PTPRD: variants seen among roughly 807,000 people sequenced by gnomAD.
PTPRD encodes the protein protein tyrosine phosphatase receptor type D.
PTPRD carries 34 observed loss-of-function variants against 214.5 expected under a neutral mutation model. The observed-to-expected ratio is 0.16, with a 90% confidence interval of 0.12 to 0.21. PTPRD has a LOEUF of 0.21. Among genes scored for constraint, PTPRD ranks in the 10% least tolerant of loss-of-function variants. The pLI, the probability that PTPRD is intolerant of heterozygous loss-of-function variation, is 1.00. For synonymous variants in PTPRD, 1,128 were observed against 845.7 expected, an observed-to-expected ratio of 1.33 and a Z score of -5.79; for missense variants, 2,545 against 2,398.7, an observed-to-expected ratio of 1.06 and a Z score of -1.27.
intron 34 of PTPRD, among the ~76,000 whole-genome samples, chr9:8,439,934 AAT>A (rs1491517529): frequency 5.6e-4 from 37 of 66,012 alleles, no homozygotes; most frequent in Non-Finnish European, 8.7e-4. Context: ...GATGTGCTTT[AAT>A]TTTTTTTTTT....
At chr9:10,239,475 C>T (rs141887356) in intron 3 of PTPRD, among the ~76,000 whole-genome samples, 120 of 152,016 alleles carry the variant, frequency 7.9e-4, no homozygotes, top group Admixed American at 1.3e-3. Context: ...TTTATTTCTG[C>T]TTTTCATTTT....
At chr9:10,577,311 A>C (rs1023162521) in intron 2 of PTPRD, among the ~76,000 whole-genome samples, 15 of 152,160 alleles carry the variant, frequency 9.9e-5, no homozygotes, top group Middle Eastern at 3.2e-3. Flanking sequence ...ATAATTACCA[A>C]CTAATTATGA....
At chr9:10,026,242 G>A (rs1188552944) in intron 4 of PTPRD, among the ~76,000 whole-genome samples, 2 of 152,162 alleles carry the variant, frequency 1.3e-5, no homozygotes, top group South Asian at 2.1e-4. Context: ...CTAGCTGGAG[G>A]AGGAGAAATA....
At chr9:8,942,633 T>A (rs2099040689) in intron 11 of PTPRD, among the ~76,000 whole-genome samples, 1 of 151,788 alleles carries the variant, frequency 6.6e-6, no homozygotes, top group East Asian at 1.9e-4. Context: ...TGATTAAACA[T>A]GACAACAACA....
chr9:9,169,330 T>G (rs377580125), intron 10 of PTPRD, among the ~76,000 whole-genome samples: 2 of 152,148 alleles, frequency 1.3e-5, no homozygotes, highest in South Asian at 4.1e-4. Flanking sequence ...CTATACTCAG[T>G]GTTTCTGATT....
chr9:8,365,943 A>G (rs2079754988), intron 39 of PTPRD, among the ~76,000 whole-genome samples: 1 of 152,146 alleles, frequency 6.6e-6, no homozygotes, highest in African/African-American at 2.4e-5. Flanking sequence ...TTGCGAGAAA[A>G]AACAAATTAC....
chr9:9,122,661 G>A (rs2099818699), intron 10 of PTPRD, among the ~76,000 whole-genome samples: 1 of 152,280 alleles, frequency 6.6e-6, no homozygotes, highest in East Asian at 1.9e-4. Context: ...TGAACATATG[G>A]TGATTTGGCT....
At chr9:9,385,981 G>A (rs1006597220) in intron 9 of PTPRD, among the ~76,000 whole-genome samples, 17 of 152,032 alleles carry the variant, frequency 1.1e-4, no homozygotes, top group African/African-American at 4.1e-4. Flanking sequence ...ATTTGCTTCT[G>A]GAATAGCTGT....
At chr9:10,488,508 G>A (rs1271637583) in intron 2 of PTPRD, among the ~76,000 whole-genome samples, 1 of 152,156 alleles carries the variant, frequency 6.6e-6, no homozygotes, top group Non-Finnish European at 1.5e-5. Context: ...TCAGCAGGTG[G>A]CAATGTCAGG....
chr9:8,434,344 G>A (rs1239239661), intron 35 of PTPRD, among the ~76,000 whole-genome samples: 1 of 152,008 alleles, frequency 6.6e-6, no homozygotes, highest in East Asian at 1.9e-4. Flanking sequence ...CAAATAGTTG[G>A]GTATAGTAAC....
intron 11 of PTPRD, among the ~76,000 whole-genome samples, chr9:8,877,260 TAGA>T (rs916406314): frequency 1.1e-4 from 16 of 152,160 alleles, no homozygotes; most frequent in Non-Finnish European, 1.6e-4. Flanking sequence ...TGAGCCAAAT[TAGA>T]AGAAGAAACG....
At chr9:8,454,302 A>C (rs2096088338) in intron 33 of PTPRD, among the ~76,000 whole-genome samples, 1 of 152,240 alleles carries the variant, frequency 6.6e-6, no homozygotes, top group Non-Finnish European at 1.5e-5. Flanking sequence ...ACAAATGCCC[A>C]TTTTAATCTT....
At chr9:10,143,755 A>G (rs1432450004) in intron 3 of PTPRD, among the ~76,000 whole-genome samples, 1 of 152,094 alleles carries the variant, frequency 6.6e-6, no homozygotes, top group East Asian at 1.9e-4. Flanking sequence ...CCTTTGCAGC[A>G]ACATGGATGC....
intron 8 of PTPRD, among the ~76,000 whole-genome samples, chr9:9,432,034 C>G (rs924675613): frequency 7.2e-6 from 1 of 138,612 alleles, no homozygotes; most frequent in Non-Finnish European, 1.5e-5. Flanking sequence ...TACATGTACC[C>G]TAGAACTTAA....
intron 2 of PTPRD, among the ~76,000 whole-genome samples, chr9:10,449,165 A>G (rs112260215): frequency 0.027 from 4,072 of 151,284 alleles, 208 homozygotes; most frequent in African/African-American, 0.087. Context: ...TCAGCCTGCC[A>G]AGTGCCTGGG....
At chr9:9,629,264 T>C (rs998637885) in intron 7 of PTPRD, among the ~76,000 whole-genome samples, 1 of 132,344 alleles carries the variant, frequency 7.6e-6, no homozygotes, top group African/African-American at 3.2e-5. Flanking sequence ...ATATGAACAC[T>C]TTATGTATGT....
chr9:9,845,520 G>A (rs1305566671), intron 5 of PTPRD, among the ~76,000 whole-genome samples: 2 of 151,762 alleles, frequency 1.3e-5, no homozygotes, highest in African/African-American at 2.4e-5. Flanking sequence ...ATCAATTCAT[G>A]TTAAATTTGA....
At chr9:8,847,875 G>A (rs1020310896) in intron 11 of PTPRD, among the ~76,000 whole-genome samples, 1 of 152,196 alleles carries the variant, frequency 6.6e-6, no homozygotes, top group African/African-American at 2.4e-5. Context: ...AATGGTATAG[G>A]GCAGGCTGCC....
intron 11 of PTPRD, among the ~76,000 whole-genome samples, chr9:8,976,787 T>C (rs1196327987): frequency 1.3e-5 from 2 of 152,120 alleles, no homozygotes; most frequent in Non-Finnish European, 1.5e-5. Context: ...AGAGTATTCC[T>C]AAATGGAGGT....
Sources: gnomAD v4.1 joint callset for allele counts (sites outside exome capture counted in the v4.1 genomes callset) on GRCh38, gnomAD v4.1.1 for gene constraint, MANE v1.5 for transcripts, NCBI Gene and HGNC (gene_info 2026-07-23, HGNC 2026-07-21) for gene names.